Variants in KIAA1217 observed in about 807,000 individuals in gnomAD.
The protein encoded by KIAA1217 is sickle tail protein homolog.
In KIAA1217, 88 loss-of-function variants were observed where a neutral mutation model predicts 163.9. The observed-to-expected ratio is 0.54, with a 90% CI of 0.45 to 0.64. The LOEUF (loss-of-function observed/expected upper bound fraction) is 0.64, where lower values mean the gene tolerates loss of function less well. Ranked by LOEUF, KIAA1217 falls within the 30% of genes least tolerant of loss-of-function variation. The pLI, the probability that KIAA1217 is intolerant of heterozygous loss-of-function variation, is 0.00. For missense variants in KIAA1217, 2,372 were observed against 2,475.0 expected (o/e 0.96, Z 0.88); for synonymous variants, 903 against 923.1 (o/e 0.98, Z 0.39).
chr10:24,029,636 A>C (rs1277283612), intron 2 of KIAA1217, among the ~76,000 whole-genome samples: 1 of 152,152 alleles, frequency 6.6e-6, no homozygotes, highest in African/African-American at 2.4e-5. Context: ...GATTTACTAC[A>C]CCTCTCAAGA....
At chr10:24,220,097 C>T (rs1274950362) in intron 2 of KIAA1217, among the ~76,000 whole-genome samples, 188 bp downstream of exon 2, 1 of 152,182 alleles carries the variant, frequency 6.6e-6, no homozygotes, top group African/African-American at 2.4e-5. Flanking sequence ...CCTGCAAGCT[C>T]AGTCTTCTTT....
chr10:23,967,950 C>CT (rs777367389), intron 1 of KIAA1217, among the ~76,000 whole-genome samples: 4 of 129,090 alleles, frequency 3.1e-5, no homozygotes, highest in East Asian at 4.7e-4. Flanking sequence ...GAGGACATGC[C>CT]TTTTTTAAAA....
At chr10:24,009,613 T>C (rs915349900) in intron 2 of KIAA1217, among the ~76,000 whole-genome samples, 3 of 152,166 alleles carry the variant, frequency 2.0e-5, no homozygotes, top group Non-Finnish European at 4.4e-5. Context: ...CAACCATGCA[T>C]GGGGTTGACC....
At chr10:24,441,182 C>T (rs772010132) in intron 5 of KIAA1217, among the ~76,000 whole-genome samples, 4 of 152,144 alleles carry the variant, frequency 2.6e-5, no homozygotes, top group Admixed American at 1.3e-4. Context: ...TGAAGGAATT[C>T]GATGCTAACT....
At chr10:23,885,544 C>T (rs906070441) in intron 1 of KIAA1217, among the ~76,000 whole-genome samples, 1 of 152,084 alleles carries the variant, frequency 6.6e-6, no homozygotes, top group East Asian at 2.0e-4. Context: ...ATGACAAATG[C>T]TCTTCTCTCT....
At position 24,381,056 on chromosome 10, in the gene KIAA1217, A is replaced by C. The variant is rs1478734039; in HGVS notation, c.542A>C (p.Glu181Ala). 1.3e-6 allele frequency: 2 copies of C among 1,562,790 alleles called. No individual in the cohort carries two copies. The highest frequency in any genetic ancestry group is 1.7e-6 in the Non-Finnish European group (2 of 1,153,630). ...PVVRSTNQTK[E>A]RSLGVLYLQY... The stretch of plus-strand genomic sequence containing the variant: ...GTGAGGTCAACCAACCAGACGAAAG[A>C]AAGATCTCTGGGTAAGCTTTAGAAG... The change falls in exon 3 of 21, where the codon GAA (glutamate) becomes GCA (alanine). Residue 181 changes from glutamate (E) to alanine (A), a missense_variant. Physicochemically the swap from Glu to Ala is moderately radical, Grantham distance 107 (BLOSUM62 -1). Transcript: ENST00000376454.
At chr10:24,406,170 C>T (rs572327841) in intron 3 of KIAA1217, among the ~76,000 whole-genome samples, 6 of 152,198 alleles carry the variant, frequency 3.9e-5, no homozygotes, top group Non-Finnish European at 5.9e-5. Context: ...GGAAGAATGA[C>T]GAGCAACAAT....
At chr10:24,204,510 G>A (rs1334328988), upstream of KIAA1217, among the ~76,000 whole-genome samples, 1 of 152,100 alleles carries the variant, frequency 6.6e-6, no homozygotes, top group South Asian at 2.1e-4. Flanking sequence ...TTCTTTTATA[G>A]GGTCTTTGTT....
intron 16 of KIAA1217, among the ~76,000 whole-genome samples, chr10:24,535,627 A>T (rs1407350070): frequency 6.6e-6 from 1 of 152,012 alleles, no homozygotes; most frequent in Admixed American, 6.6e-5. Flanking sequence ...CTACAAAAAA[A>T]TCAGCCAGGC....
intron 1 of KIAA1217, among the ~76,000 whole-genome samples, chr10:23,763,163 A>G (rs1834345455): frequency 2.0e-5 from 3 of 152,214 alleles, no homozygotes; most frequent in South Asian, 2.1e-4. Flanking sequence ...GGAAGAATCA[A>G]TATCATGAAA....
At chr10:23,700,752 G>A (rs1034278246) in intron 1 of KIAA1217, among the ~76,000 whole-genome samples, 10 of 152,106 alleles carry the variant, frequency 6.6e-5, no homozygotes, top group Admixed American at 5.9e-4. Context: ...TTTTCAATAA[G>A]GTCTTTCTTG....
intron 2 of KIAA1217, among the ~76,000 whole-genome samples, chr10:24,325,200 T>C (rs1327209755): frequency 6.6e-6 from 1 of 152,212 alleles, no homozygotes; most frequent in African/African-American, 2.4e-5. Context: ...TGTGGGACAG[T>C]GATTTGCAAG....
intron 2 of KIAA1217, among the ~76,000 whole-genome samples, chr10:24,180,731 A>G (rs185469599): frequency 3.9e-5 from 6 of 152,306 alleles, no homozygotes; most frequent in Admixed American, 1.3e-4. Flanking sequence ...TAATTTGACA[A>G]TCTGTCATTT....
At chr10:24,145,761 CA>C (rs2131844381) in intron 2 of KIAA1217, among the ~76,000 whole-genome samples, 1 of 152,324 alleles carries the variant, frequency 6.6e-6, no homozygotes, top group East Asian at 1.9e-4. Context: ...TCCAAGAGTC[CA>C]AAAGCTGAAA....
chr10:24,421,681 T>A (rs1175378696), intron 3 of KIAA1217, among the ~76,000 whole-genome samples: 1 of 152,192 alleles, frequency 6.6e-6, no homozygotes, highest in Non-Finnish European at 1.5e-5. Context: ...TTTAAAAAAG[T>A]TATGAATGTG....
chr10:24,470,674 AT>A (rs1437346871), intron 5 of KIAA1217, among the ~76,000 whole-genome samples: 2 of 152,188 alleles, frequency 1.3e-5, no homozygotes, highest in Non-Finnish European at 2.9e-5. Context: ...AGGAGCCTGC[AT>A]ACTCCAGGGG....
intron 2 of KIAA1217, among the ~76,000 whole-genome samples, chr10:24,318,798 G>A (rs1002221637): frequency 6.6e-6 from 1 of 152,222 alleles, no homozygotes; most frequent in African/African-American, 2.4e-5. Context: ...ACATCAACAA[G>A]AAGAATGCTT....
At chr10:24,239,169 A>G (rs1246390660) in intron 2 of KIAA1217, 11 of 985,382 alleles carry the variant, frequency 1.1e-5, no homozygotes, top group Non-Finnish European at 1.3e-5. Flanking sequence ...TATGCAAATG[A>G]CGAGAGTTTC....
chr10:23,790,596 C>CATATGTAT (rs1249554785), intron 1 of KIAA1217, among the ~76,000 whole-genome samples: 10 of 108,782 alleles, frequency 9.2e-5, no homozygotes, highest in African/African-American at 5.5e-4. Flanking sequence ...TACATATATA[C>CATATGTAT]ATGTACATAT....
Sources: gnomAD v4.1 joint callset for allele counts (sites outside exome capture counted in the v4.1 genomes callset) on GRCh38, gnomAD v4.1.1 for gene constraint, MANE v1.5 for transcripts, NCBI Gene and HGNC (gene_info 2026-07-23, HGNC 2026-07-21) for gene names.